RASGRF2: variants seen among roughly 807,000 people sequenced by gnomAD.
RASGRF2 encodes Ras protein specific guanine nucleotide releasing factor 2, also known as ras-specific guanine nucleotide-releasing factor 2.
A neutral mutation model predicts 151.0 loss-of-function variants in RASGRF2; 76 were observed. That is an observed-to-expected ratio of 0.50 (90% CI 0.42 to 0.61). The LOEUF is 0.61. Among genes scored for constraint, RASGRF2 ranks in the 20% least tolerant of loss-of-function variants. The pLI is 0.00. For synonymous variants in RASGRF2, 504 were observed against 566.5 expected, an observed-to-expected ratio of 0.89 and a Z score of 1.57; for missense variants, 1,148 against 1,564.6, an observed-to-expected ratio of 0.73 and a Z score of 4.49.
At chr5:80,974,357 A>G (rs926094138) in intron 1 of RASGRF2, among the ~76,000 whole-genome samples, 5 of 152,256 alleles carry the variant, frequency 3.3e-5, no homozygotes, top group African/African-American at 4.8e-5. Flanking sequence ...ATCTGTCTGC[A>G]AGAACATCTA....
At chr5:80,993,869 A>G (rs1748734849) in intron 1 of RASGRF2, among the ~76,000 whole-genome samples, 1 of 152,160 alleles carries the variant, frequency 6.6e-6, no homozygotes, top group Non-Finnish European at 1.5e-5. Context: ...CAAACCCAGC[A>G]GGAAGCCAGA....
Position 81,024,249 on chromosome 5 carries a change from A to ATTTTTTTTTTTTTTTTTTTTTTTT in RASGRF2, c.289-18624_289-18601dup, listed in dbSNP as rs397884951. On this transcript the variant is annotated intron_variant, in intron 1 of 26. Transcript: ENST00000265080. ...CTCCAGGACTAGAGGTATTCATATA[A>ATTTTTTTTTTTTTTTTTTTTTTTT]TTTTTTTTTTTTTTTTTTTTTTTTT... is the stretch of plus-strand genomic sequence containing the variant. Among the ~76,000 whole-genome samples, 17 of 71,688 alleles carry ATTTTTTTTTTTTTTTTTTTTTTTT rather than the reference A, an allele frequency of 2.4e-4. 1 individual carries two copies. Among genetic ancestry groups the ATTTTTTTTTTTTTTTTTTTTTTTT allele is most frequent in the African/African-American group, 6.4e-4 (10 of 15,740 alleles). The allele number at this position is 71,688 out of a possible 152,430, so 47.0% of individuals were successfully genotyped here.
At chr5:81,091,888 G>A (rs1561604615) in intron 9 of RASGRF2, among the ~76,000 whole-genome samples, 1 of 152,294 alleles carries the variant, frequency 6.6e-6, no homozygotes, top group Admixed American at 6.5e-5. Context: ...GCCTGCAGAA[G>A]GCTGCATTTG....
chr5:80,982,590 T>TATTATTATTATTATTATTATTATG (rs1748339333), intron 1 of RASGRF2, among the ~76,000 whole-genome samples: 1 of 141,802 alleles, frequency 7.1e-6, no homozygotes, highest in Admixed American at 7.6e-5. Context: ...CTATTATTAT[T>TATTATTATTATTATTATTATTATG]ATTATTATTA....
chr5:81,203,190 A>AACT (rs1381439025), intron 19 of RASGRF2, among the ~76,000 whole-genome samples: 2 of 152,206 alleles, frequency 1.3e-5, no homozygotes, highest in Non-Finnish European at 2.9e-5. Context: ...TTCTCTTCAT[A>AACT]ACTAGTTTGT....
chr5:81,162,074 C>T (rs1754397292), intron 17 of RASGRF2, among the ~76,000 whole-genome samples: 1 of 151,862 alleles, frequency 6.6e-6, no homozygotes, highest in African/African-American at 2.4e-5. Context: ...GTTCAGCACA[C>T]ACAAAAGATG....
intron 5 of RASGRF2, 107 bp from the exon 6 acceptor site, chr5:81,080,014 A>G (rs2112476670): frequency 1.4e-6 from 2 of 1,391,732 alleles, no homozygotes; most frequent in South Asian, 1.5e-5. Flanking sequence ...TGGAGGCCCT[A>G]TGGGACATAT....
chr5:81,152,301 C>T (rs1429904393), intron 17 of RASGRF2, among the ~76,000 whole-genome samples: 6 of 152,232 alleles, frequency 3.9e-5, no homozygotes, highest in Admixed American at 2.0e-4. Context: ...TGCACCTGGC[C>T]GAGATATTTT....
chr5:81,145,695 G>A (rs1753989560), intron 17 of RASGRF2, among the ~76,000 whole-genome samples: 1 of 152,172 alleles, frequency 6.6e-6, no homozygotes, highest in African/African-American at 2.4e-5. Context: ...ATGTGAGTGA[G>A]CTGGGAAGCA....
chr5:80,989,066 C>T (rs528654212), intron 1 of RASGRF2, among the ~76,000 whole-genome samples: 1 of 152,106 alleles, frequency 6.6e-6, no homozygotes, highest in South Asian at 2.1e-4. Context: ...CAACCTCCAC[C>T]TCCGGGATTC....
intron 1 of RASGRF2, among the ~76,000 whole-genome samples, chr5:81,018,481 C>T (rs1056449309): frequency 1.6e-4 from 24 of 152,178 alleles, no homozygotes; most frequent in African/African-American, 5.3e-4. Context: ...CCAGACGTAC[C>T]GGGAAAACAT....
chr5:81,188,693 C>T (rs1009759206), intron 18 of RASGRF2, among the ~76,000 whole-genome samples: 6 of 152,178 alleles, frequency 3.9e-5, no homozygotes, highest in African/African-American at 9.7e-5. Context: ...TGACTCCACT[C>T]GTTTGAGGGA....
intron 5 of RASGRF2, among the ~76,000 whole-genome samples, chr5:81,074,835 C>T (rs1370872147): frequency 6.6e-6 from 1 of 152,110 alleles, no homozygotes; most frequent in Non-Finnish European, 1.5e-5. Flanking sequence ...GGGAGCTGTG[C>T]GTGCAGGGGA....
chr5:81,005,331 G>A (rs780104688), intron 1 of RASGRF2, among the ~76,000 whole-genome samples: 25 of 152,042 alleles, frequency 1.6e-4, no homozygotes, highest in Non-Finnish European at 2.9e-4. Context: ...GAAGAAATGC[G>A]AGCGAAGGTG....
intron 19 of RASGRF2, among the ~76,000 whole-genome samples, chr5:81,206,338 T>C (rs1459706119): frequency 6.6e-6 from 1 of 152,162 alleles, no homozygotes; most frequent in African/African-American, 2.4e-5. Context: ...CTGCCTGGCA[T>C]TGTTCAGAGT....
chr5:81,077,700 A>G (rs1306547717), intron 5 of RASGRF2, among the ~76,000 whole-genome samples: 3 of 152,194 alleles, frequency 2.0e-5, no homozygotes, highest in Non-Finnish European at 2.9e-5. Flanking sequence ...TGCAGTTTCA[A>G]CAGGTCTGAT....
At chr5:81,014,982 T>C (rs1033765136) in intron 1 of RASGRF2, among the ~76,000 whole-genome samples, 1 of 152,112 alleles carries the variant, frequency 6.6e-6, no homozygotes, top group African/African-American at 2.4e-5. Context: ...TGCAGTGGCA[T>C]AGTCACGACT....
chr5:81,183,276 A>G, intron 18 of RASGRF2: 1 of 982,342 alleles, frequency 1.0e-6, no homozygotes, highest in Non-Finnish European at 1.2e-6. Context: ...AGGCTGCCAC[A>G]GAGTGTTCGA....
intron 1 of RASGRF2, among the ~76,000 whole-genome samples, chr5:80,965,615 T>A (rs1026733448): frequency 6.6e-6 from 1 of 152,190 alleles, no homozygotes; most frequent in Non-Finnish European, 1.5e-5. Context: ...TTCTGTGGGT[T>A]TCATTAAGTG....
Sources: gnomAD v4.1 joint callset for allele counts (sites outside exome capture counted in the v4.1 genomes callset) on GRCh38, gnomAD v4.1.1 for gene constraint, MANE v1.5 for transcripts, NCBI Gene and HGNC (gene_info 2026-07-23, HGNC 2026-07-21) for gene names.